The following PML variants were observed in gnomAD, a reference collection of about 807,000 sequenced individuals.
PML encodes the protein PML nuclear body scaffold, also known as protein PML.
In PML, 28 loss-of-function variants were observed where a neutral mutation model predicts 65.2. The observed-to-expected ratio is 0.43, with a 90% CI of 0.32 to 0.59. PML has a LOEUF of 0.59. PML is among the 20% of genes least tolerant of loss of function. The pLI is 0.08. For missense variants in PML, 1,021 were observed against 1,203.4 expected, an observed-to-expected ratio of 0.85 and a Z score of 2.24; for synonymous variants, 500 against 508.8, an observed-to-expected ratio of 0.98 and a Z score of 0.23.
chr15:74,036,324 ATGAGCACAGGGAC>A, intron 7 of PML: 3 of 1,429,708 alleles, frequency 2.1e-6, no homozygotes, highest in Non-Finnish European at 2.7e-6. Flanking sequence ...ATCTAAGCCC[ATGAGCACAGGGAC>A]TGGCTATCCC....
At chr15:74,013,927 TG>T (rs1486475840) in intron 2 of PML, among the ~76,000 whole-genome samples, 1 of 152,242 alleles carries the variant, frequency 6.6e-6, no homozygotes, top group Non-Finnish European at 1.5e-5. Flanking sequence ...ATAATTGTAG[TG>T]TATTGTTATG....
chr15:74,033,491 C>T, intron 6 of PML, 77 bp downstream of exon 6: 1 of 1,547,916 alleles, frequency 6.5e-7, no homozygotes, highest in Non-Finnish European at 8.8e-7. Context: ...GTATTTTGGC[C>T]CCATCCAGAA....
At chr15:74,044,081 G>C in intron 8 of PML, 140 bp from the exon 9 acceptor site, 1 of 768,908 alleles carries the variant, frequency 1.3e-6, no homozygotes, top group Non-Finnish European at 2.2e-6. Flanking sequence ...CTGCATTTGG[G>C]GGCTGATGTG....
intron 6 of PML, 95 bp from the exon 7 acceptor site, chr15:74,034,383 G>C: frequency 1.9e-6 from 3 of 1,554,372 alleles, no homozygotes; most frequent in Non-Finnish European, 2.7e-6. Context: ...TCCCCCAGCC[G>C]ACTGGCCTGC....
chr15:74,034,925 C>A, intron 7 of PML: 1 of 1,443,576 alleles, frequency 6.9e-7, no homozygotes, highest in Non-Finnish European at 9.0e-7. Context: ...TGTCAGGCCA[C>A]AGGGCAGCTA....
At chr15:74,038,427 C>A (rs1352436389) in intron 7 of PML, among the ~76,000 whole-genome samples, 1 of 152,062 alleles carries the variant, frequency 6.6e-6, no homozygotes, top group African/African-American at 2.4e-5. Flanking sequence ...AGAGAGCAGG[C>A]CTAGAGACGT....
In PML at chr15:74,023,296, C is replaced by T. The variant is rs2070927305; in HGVS notation, c.1071C>T (p.Cys357=). 4 of 1,609,436 alleles carry T rather than the reference C, an allele frequency of 2.5e-6. No homozygotes were observed. Among genetic ancestry groups the T allele is most frequent in the South Asian group, 2.2e-5 (2 of 91,016 alleles). The change falls in exon 3 of 9, where the codon TGC becomes TGT. Residue 357 remains cysteine (C), a synonymous_variant. Coordinates refer to ENST00000268058, the MANE Select transcript of PML (RefSeq NM_033238.3). ...DMHGFLRQAL[C]RLRQEEPQSL... is the part of the protein sequence containing the mutation. ...ACGGTTTCCTGCGCCAGGCGCTCTG[C>T]CGCCTGCGCCAGGAGGAGCCCCAGA...
At chr15:74,004,277 T>C (rs1032159150) in intron 2 of PML, among the ~76,000 whole-genome samples, 3 of 152,158 alleles carry the variant, frequency 2.0e-5, no homozygotes, top group African/African-American at 7.2e-5. Flanking sequence ...GCCTGGCTAA[T>C]AAATATAGTT....
rs372005113 is a variant in PML, at chr15:74,044,485, C to A, written c.2126C>A (p.Ala709Asp). ...CAGGAGGCCATCTCGGGCTTCCTGG[C>A]TGCCCTGCCTCTCATCCGGGAGCGT... ...EFQEAISGFL[A>D]ALPLIRERVP... is the part of the protein sequence containing the mutation. Residue 709 changes from alanine to aspartate, a missense_variant, in exon 9 of 9, where the codon GCT (alanine) becomes GAT (aspartate). Transcript: ENST00000268058. The A allele has an allele frequency of 6.2e-7, 1 of 1,614,042 alleles. No individual in the cohort carries two copies. Among genetic ancestry groups the A allele is most frequent in the Non-Finnish European group, 8.5e-7 (1 of 1,179,988 alleles).
rs940987383 is a variant in PML at position 74,045,853 on chromosome 15, C to G, written c.*845C>G. 2.2e-5 allele frequency: 5 copies of G among 232,184 alleles called. No homozygotes were observed. Among genetic ancestry groups the G allele is most frequent in the African/African-American group, 1.1e-4 (5 of 45,298 alleles). 14.4% of individuals were successfully genotyped at this position (232,184 alleles called of 1,614,324 possible). ...CCTGGGAGCTTCTTAGAAATGCAGA[C>G]CTGTGGGCTCTACCACAGGCCTCTG... is the stretch of plus-strand genomic sequence containing the variant. On this transcript the variant is annotated 3_prime_UTR_variant, in exon 9 of 9. Coordinates refer to ENST00000268058, the MANE Select transcript of PML (RefSeq NM_033238.3).
rs1387227893 is a variant in PML, at chr15:74,044,712, G to A, written c.2353G>A (p.Val785Met). 6.2e-7 allele frequency: 1 copy of A among 1,609,050 alleles called. No homozygotes were observed. The change falls in exon 9 of 9, where the codon GTG (valine) becomes ATG (methionine). Residue 785 changes from valine (V) to methionine (M), a missense_variant. Physicochemically the swap from Val to Met is conservative, Grantham distance 21. Transcript: ENST00000268058. ...GTGCTTTGCCTCCCTGCAGCCCCTG[G>A]TGCAGGCAGCTGTGCTGCCCCGGGC... Reference protein sequence around the residue: ...LQCFASLQPLVQAAVLPRAEA... With the variant: ...LQCFASLQPLMQAAVLPRAEA...
Position 74,043,147 on chromosome 15 carries a change from C to T in PML, c.1861+8C>T, listed in dbSNP as rs1463100228. On this transcript the variant is annotated splice_region_variant and intron_variant, in intron 8 of 8. Coordinates refer to ENST00000268058, the MANE Select transcript of PML (RefSeq NM_033238.3). The surrounding 1 kb of genome is among the most constrained non-coding windows in gnomAD (Gnocchi z 4.3). ...TCAAGATTGACAATGAAAGTGGGTT[C>T]TCCTGGGGCTACCCCCACCCCTTTC... The T allele has an allele frequency of 6.2e-7, 1 of 1,613,678 alleles. No individual in the cohort carries two copies. The highest frequency in any genetic ancestry group is 8.5e-7 in the Non-Finnish European group (1 of 1,179,970).
chr15:73,995,216 C>T (rs927159933), intron 1 of PML, among the ~76,000 whole-genome samples: 1 of 152,244 alleles, frequency 6.6e-6, no homozygotes, highest in Non-Finnish European at 1.5e-5. Flanking sequence ...GGTCAGTGGC[C>T]TCCGGGCCTG....
intron 4 of PML, chr15:74,031,228 C>T (rs778424053): frequency 8.8e-5 from 39 of 440,986 alleles, no homozygotes; most frequent in African/African-American, 6.3e-4. Flanking sequence ...TAAATAGGAT[C>T]ATACAATGTG....
chr15:74,006,038 A>G (rs1373511204), intron 2 of PML, among the ~76,000 whole-genome samples: 2 of 152,086 alleles, frequency 1.3e-5, no homozygotes, highest in Non-Finnish European at 2.9e-5. Context: ...TTTTGTCTGT[A>G]CCCATTTTAG....
chr15:74,036,406 C>T, intron 7 of PML: 2 of 1,331,206 alleles, frequency 1.5e-6, no homozygotes, highest in Non-Finnish European at 1.9e-6. Context: ...CCTTGCGAAC[C>T]CTTATTCCAC....
rs1055245490 is a variant in PML at position 74,042,420 on chromosome 15, C to T, written c.1711-569C>T. ...TCGGGGACAAGAAAAGGCAGGCTCCCGACCCCTTCCAAAGAATCATCTGGG... is the reference window on the plus strand; with the variant it reads ...TCGGGGACAAGAAAAGGCAGGCTCCTGACCCCTTCCAAAGAATCATCTGGG... On this transcript the variant is annotated intron_variant, in intron 7 of 8. Coordinates refer to ENST00000268058, the MANE Select transcript of PML (RefSeq NM_033238.3). The surrounding 1 kb of genome is among the most constrained non-coding windows in gnomAD (Gnocchi z 5.3). The T allele has an allele frequency of 8.1e-6, 8 of 985,286 alleles. No individual in the cohort carries two copies. The highest frequency in any genetic ancestry group is 1.7e-5 in the African/African-American group (1 of 57,232). The allele number at this position is 985,286 out of a possible 1,614,324, so 61.0% of individuals were successfully genotyped here.
At chr15:73,998,616 C>A in intron 2 of PML, 140 bp downstream of exon 2, 1 of 733,142 alleles carries the variant, frequency 1.4e-6, no homozygotes, top group Non-Finnish European at 2.3e-6. Context: ...TGCAGATATG[C>A]AGTGTCCGTG....
At position 74,022,907 on chromosome 15, in the gene PML, G is replaced by T; in HGVS notation, c.682G>T (p.Asp228Tyr). The change falls in exon 3 of 9, where the codon GAC (aspartate) becomes TAC (tyrosine). Residue 228 changes from aspartate (D) to tyrosine (Y), a missense_variant. Physicochemically the swap from Asp to Tyr is radical, Grantham distance 160. Transcript: ENST00000268058. ...LDSSHSELKC[D>Y]ISAEIQQRQE... Reference sequence around the variant, plus strand: ...CAGCAGCCACAGTGAGCTCAAGTGCGACATCAGCGCAGAGATCCAGCAGCG... The same window carrying T: ...CAGCAGCCACAGTGAGCTCAAGTGCTACATCAGCGCAGAGATCCAGCAGCG... 1 of 1,613,070 alleles carries T rather than the reference G, an allele frequency of 6.2e-7. No individual in the cohort carries two copies. Among genetic ancestry groups the T allele is most frequent in the South Asian group, 1.1e-5 (1 of 90,904 alleles).
Sources: allele counts gnomAD v4.1 joint callset (sites outside exome capture counted in the v4.1 genomes callset), GRCh38; gene constraint gnomAD v4.1.1; non-coding constraint Gnocchi (gnomAD v3.1); transcripts MANE v1.5; gene names NCBI Gene and HGNC (gene_info 2026-07-23, HGNC 2026-07-21).